Variants in GCNT1 observed in about 807,000 individuals in gnomAD.
GCNT1 encodes glucosaminyl (N-acetyl) transferase 1.
GCNT1 carries 16 observed loss-of-function variants against 26.2 expected under a neutral mutation model. That is an observed-to-expected ratio of 0.61 (90% CI 0.41 to 0.93). GCNT1 has a LOEUF of 0.93. Ranked by LOEUF, GCNT1 falls within the 40% of genes least tolerant of loss-of-function variation. The probability of loss-of-function intolerance (pLI) is 0.00; values close to 1 mark genes in which losing one functional copy is unlikely to be tolerated. For missense variants in GCNT1, 477 were observed against 526.7 expected, an observed-to-expected ratio of 0.91 and a Z score of 0.92; for synonymous variants, 183 against 190.8, an observed-to-expected ratio of 0.96 and a Z score of 0.34.
At chr9:76,483,825 T>C (rs918610511) in intron 2 of GCNT1, among the ~76,000 whole-genome samples, 1 of 152,030 alleles carries the variant, frequency 6.6e-6, no homozygotes, top group Non-Finnish European at 1.5e-5. Flanking sequence ...TGAAAAACTT[T>C]TTGTCGTGTG....
intron 2 of GCNT1, among the ~76,000 whole-genome samples, chr9:76,465,991 C>G (rs1443727252): frequency 6.6e-6 from 1 of 151,994 alleles, no homozygotes; most frequent in East Asian, 1.9e-4. Flanking sequence ...GTGAGACATC[C>G]AAGTAAAGAT....
intron 1 of GCNT1, among the ~76,000 whole-genome samples, chr9:76,428,292 T>TAAAAAAAAAAAAAAAAAAAAAAAAAAAAA (rs1279001629): frequency 8.1e-5 from 7 of 85,916 alleles, no homozygotes; most frequent in African/African-American, 1.3e-4. Flanking sequence ...AAAAAAAACT[T>TAAAAAAAAAAAAAAAAAAAAAAAAAAAAA]AAAAAAAAAA....
chr9:76,490,379 G>C (rs534844882), intron 2 of GCNT1, among the ~76,000 whole-genome samples: 1 of 152,132 alleles, frequency 6.6e-6, no homozygotes, highest in Non-Finnish European at 1.5e-5. Flanking sequence ...GAGAGTGTGT[G>C]GTAGTAATGA....
chr9:76,499,781 A>T (rs1825011928), intron 2 of GCNT1, among the ~76,000 whole-genome samples: 1 of 152,182 alleles, frequency 6.6e-6, no homozygotes, highest in African/African-American at 2.4e-5. Context: ...ATCTTACATT[A>T]GTGTGGTACA....
At chr9:76,466,522 C>A (rs146673456) in intron 2 of GCNT1, among the ~76,000 whole-genome samples, 4 of 152,222 alleles carry the variant, frequency 2.6e-5, no homozygotes, top group African/African-American at 9.6e-5. Flanking sequence ...AGGCTGGTCT[C>A]AAATTCCTGA....
chr9:76,484,501 G>T (rs898762467), intron 2 of GCNT1, among the ~76,000 whole-genome samples: 2 of 152,012 alleles, frequency 1.3e-5, no homozygotes, highest in African/African-American at 4.8e-5. Flanking sequence ...AAGAATAACA[G>T]TGTTTTTGTA....
At chr9:76,431,555 C>T (rs539611080) in intron 1 of GCNT1, among the ~76,000 whole-genome samples, 2 of 152,166 alleles carry the variant, frequency 1.3e-5, no homozygotes, top group African/African-American at 2.4e-5. Context: ...TTCACCAACC[C>T]GGAAGTCCCA....
At chr9:76,434,761 G>C (rs1464903891) in intron 1 of GCNT1, among the ~76,000 whole-genome samples, 3 of 152,208 alleles carry the variant, frequency 2.0e-5, no homozygotes, top group African/African-American at 7.2e-5. Flanking sequence ...GCAAGTAAGA[G>C]AGATATCGCT....
rs143536235 is a variant in GCNT1 at position 76,497,358 on chromosome 9, G to A, written c.-289-3558G>A. Among the ~76,000 whole-genome samples, 258 of 152,140 alleles carry A rather than the reference G, an allele frequency of 1.7e-3. 1 individual carries two copies. The highest frequency in any genetic ancestry group is 5.9e-3 in the African/African-American group (244 of 41,486). On this transcript the variant is annotated intron_variant, in intron 2 of 3. Transcript: ENST00000376730. ...TTTCCTTTCACCCTTCTGATTCTTA[G>A]CCGAGTTTTACTTAAGAAAACGTTG...
chr9:76,461,456 C>T (rs537318264), intron 2 of GCNT1, among the ~76,000 whole-genome samples: 28 of 151,590 alleles, frequency 1.8e-4, no homozygotes, highest in Admixed American at 1.4e-3. Context: ...GGTGGCTAGG[C>T]GCCTGTAATC....
chr9:76,419,469 A>G (rs951436203), upstream of GCNT1, among the ~76,000 whole-genome samples: 6 of 152,164 alleles, frequency 3.9e-5, no homozygotes, highest in African/African-American at 1.4e-4. Context: ...CAGGGGTTCA[A>G]GACCACCTGA....
intron 2 of GCNT1, among the ~76,000 whole-genome samples, chr9:76,469,686 C>T (rs1824088325): frequency 6.6e-6 from 1 of 152,210 alleles, no homozygotes; most frequent in Non-Finnish European, 1.5e-5. Context: ...GTCCGCTGTG[C>T]TCCTGATCCA....
At chr9:76,443,272 G>T (rs1013684305) in intron 1 of GCNT1, among the ~76,000 whole-genome samples, 1 of 152,156 alleles carries the variant, frequency 6.6e-6, no homozygotes, top group East Asian at 1.9e-4. Flanking sequence ...GAAATATAGA[G>T]GTGTGAAGTG....
intron 2 of GCNT1, among the ~76,000 whole-genome samples, chr9:76,467,737 A>G (rs1824033744): frequency 6.6e-6 from 1 of 151,986 alleles, no homozygotes; most frequent in Non-Finnish European, 1.5e-5. Flanking sequence ...TAAGGCTGAG[A>G]CCAATTGTGT....
intron 1 of GCNT1, among the ~76,000 whole-genome samples, chr9:76,423,551 G>T (rs1301276490): frequency 6.6e-6 from 1 of 152,190 alleles, no homozygotes; most frequent in African/African-American, 2.4e-5. Flanking sequence ...GCACAAAACA[G>T]ACTAAAACAG....
At chr9:76,455,022 A>G (rs1823734194), upstream of GCNT1, among the ~76,000 whole-genome samples, 1 of 150,922 alleles carries the variant, frequency 6.6e-6, no homozygotes, top group Non-Finnish European at 1.5e-5. Context: ...TAATTTTTGT[A>G]TTTTTAGTAG....
chr9:76,403,917 A>T, the GCNT1 span, among the ~76,000 whole-genome samples: 2 of 152,222 alleles, frequency 1.3e-5, no homozygotes, highest in Non-Finnish European at 2.9e-5. Flanking sequence ...GGAGATAAAG[A>T]TGCTAAAAAT....
upstream of GCNT1, chr9:76,459,050 C>A (rs961547142): frequency 3.3e-5 from 5 of 152,318 alleles, no homozygotes; most frequent in African/African-American, 1.2e-4. Context: ...CAGAGGGCGC[C>A]CTCGCCTGTA....
At chr9:76,486,761 CTT>C (rs1394879018) in intron 2 of GCNT1, among the ~76,000 whole-genome samples, 1 of 152,236 alleles carries the variant, frequency 6.6e-6, no homozygotes, top group East Asian at 1.9e-4. Flanking sequence ...AAACAGAACT[CTT>C]TTCTGGCAGT....
Sources: gnomAD v4.1 joint callset for allele counts (sites outside exome capture counted in the v4.1 genomes callset) on GRCh38, gnomAD v4.1.1 for gene constraint, MANE v1.5 for transcripts, NCBI Gene and HGNC (gene_info 2026-07-23, HGNC 2026-07-21) for gene names.